Variants in FCHSD2 observed in about 807,000 individuals in gnomAD.
FCHSD2 encodes the protein F-BAR and double SH3 domains protein 2.
In FCHSD2, 38 loss-of-function variants were observed where a neutral mutation model predicts 108.1. The ratio of observed to expected loss-of-function variants is 0.35; its 90% CI spans 0.27 to 0.46. The LOEUF (loss-of-function observed/expected upper bound fraction) is 0.46, where lower values mean the gene tolerates loss of function less well. Among genes scored for constraint, FCHSD2 ranks in the 20% least tolerant of loss-of-function variants. FCHSD2 has a pLI of 1.00. For synonymous variants in FCHSD2, 279 were observed against 314.7 expected, an observed-to-expected ratio of 0.89 and a Z score of 1.20; for missense variants, 751 against 897.8, an observed-to-expected ratio of 0.84 and a Z score of 2.09.
At chr11:72,923,467 G>A (rs952091565) in intron 8 of FCHSD2, among the ~76,000 whole-genome samples, 1 of 151,734 alleles carries the variant, frequency 6.6e-6, no homozygotes, top group Non-Finnish European at 1.5e-5. Context: ...TTATTCTTTT[G>A]TATTTTGGTA....
chr11:72,917,660 C>A (rs777419433), intron 9 of FCHSD2, among the ~76,000 whole-genome samples: 1 of 152,100 alleles, frequency 6.6e-6, no homozygotes, highest in Non-Finnish European at 1.5e-5. Context: ...CCAAGGCAGG[C>A]GGATCACTTG....
chr11:72,874,147 C>A (rs1286543541), intron 12 of FCHSD2, among the ~76,000 whole-genome samples: 1 of 152,158 alleles, frequency 6.6e-6, no homozygotes, highest in African/African-American at 2.4e-5. Context: ...AAACTTCATT[C>A]TTTTGCATAT....
At chr11:73,075,375 C>A (rs1341753368) in intron 3 of FCHSD2, among the ~76,000 whole-genome samples, 1 of 152,146 alleles carries the variant, frequency 6.6e-6, no homozygotes, top group East Asian at 1.9e-4. Flanking sequence ...TGGCACCATT[C>A]ATAATGATTG....
At chr11:73,004,093 AG>A (rs1231798246) in intron 4 of FCHSD2, among the ~76,000 whole-genome samples, 2 of 131,320 alleles carry the variant, frequency 1.5e-5, no homozygotes, top group African/African-American at 5.8e-5. Flanking sequence ...TGGGCAAGAG[AG>A]TAAGACTCCA....
chr11:72,842,573 A>G, intron 17 of FCHSD2, 48 bp downstream of exon 17: 2 of 1,610,192 alleles, frequency 1.2e-6, no homozygotes, highest in Non-Finnish European at 1.7e-6. Flanking sequence ...CTTTGGGAGC[A>G]ATTTTCTTTA....
At chr11:73,028,302 G>A (rs1448578403) in intron 3 of FCHSD2, among the ~76,000 whole-genome samples, 1 of 152,220 alleles carries the variant, frequency 6.6e-6, no homozygotes, top group Non-Finnish European at 1.5e-5. Flanking sequence ...GCGTGCCCTG[G>A]ATGTGAGACA....
intron 3 of FCHSD2, 138 bp downstream of exon 3, chr11:73,083,557 G>GAAAAA: frequency 2.0e-6 from 1 of 499,212 alleles, no homozygotes; most frequent in Admixed American, 3.7e-5. Flanking sequence ...CAGAAAAAAA[G>GAAAAA]AAAAAAAAAA....
intron 9 of FCHSD2, 140 bp from the exon 10 acceptor site, chr11:72,902,778 C>T (rs768033313): frequency 7.2e-6 from 4 of 554,466 alleles, no homozygotes; most frequent in African/African-American, 3.8e-5. Flanking sequence ...AATGGTGTTA[C>T]GCATTTTATT....
chr11:73,033,546 G>A (rs770357721), intron 3 of FCHSD2, among the ~76,000 whole-genome samples: 3 of 152,158 alleles, frequency 2.0e-5, no homozygotes, highest in South Asian at 2.1e-4. Context: ...ATTATAGGGC[G>A]CTACACAAGA....
At chr11:72,845,357 G>A (rs1861095539) in intron 14 of FCHSD2, among the ~76,000 whole-genome samples, 1 of 149,056 alleles carries the variant, frequency 6.7e-6, no homozygotes, top group Admixed American at 6.8e-5. Context: ...GGAGGCAGAG[G>A]TTGCAGGGAG....
intron 3 of FCHSD2, among the ~76,000 whole-genome samples, chr11:73,072,290 G>C (rs1347265939): frequency 6.6e-6 from 1 of 151,730 alleles, no homozygotes; most frequent in East Asian, 1.9e-4. Flanking sequence ...ACACCTTTAC[G>C]AGATGTGCTA....
At chr11:73,095,009 T>C (rs1860043321) in intron 2 of FCHSD2, among the ~76,000 whole-genome samples, 1 of 152,136 alleles carries the variant, frequency 6.6e-6, no homozygotes, top group Admixed American at 6.6e-5. Context: ...CTACTAAATA[T>C]GCAATGAGAA....
intron 18 of FCHSD2, 102 bp downstream of exon 18, chr11:72,841,340 CAAAAAAAAAAAA>C (rs59748827): frequency 4.0e-5 from 15 of 373,862 alleles, no homozygotes; most frequent in Middle Eastern, 6.7e-4. Context: ...ACTCTGTCTC[CAAAAAAAAAAAA>C]AAAAAAAAAA....
At chr11:73,113,986 TAAA>T (rs1379522468) in intron 2 of FCHSD2, among the ~76,000 whole-genome samples, 1 of 152,080 alleles carries the variant, frequency 6.6e-6, no homozygotes, top group Non-Finnish European at 1.5e-5. Context: ...CAGCAGGTGA[TAAA>T]GCAAGCTGGG....
At chr11:72,882,894 T>C (rs1855118666) in intron 12 of FCHSD2, among the ~76,000 whole-genome samples, 1 of 152,146 alleles carries the variant, frequency 6.6e-6, no homozygotes, top group African/African-American at 2.4e-5. Context: ...AAGAATAGTG[T>C]TGGAGGAATT....
At chr11:73,061,665 G>A (rs1859167866) in intron 3 of FCHSD2, among the ~76,000 whole-genome samples, 1 of 152,178 alleles carries the variant, frequency 6.6e-6, no homozygotes, top group Non-Finnish European at 1.5e-5. Flanking sequence ...GAGTAGGGTG[G>A]TTTTATGCTC....
chr11:72,940,745 A>G (rs959302458), intron 8 of FCHSD2: 8 of 861,810 alleles, frequency 9.3e-6, no homozygotes, highest in Admixed American at 1.7e-5. Context: ...ACTAATGGCA[A>G]GCCTGTTCAT....
intron 2 of FCHSD2, among the ~76,000 whole-genome samples, chr11:73,088,328 A>G (rs1470655023): frequency 1.3e-5 from 2 of 152,212 alleles, no homozygotes; most frequent in African/African-American, 4.8e-5. Context: ...TATATCATAT[A>G]GCTTAGGTGT....
intron 2 of FCHSD2, among the ~76,000 whole-genome samples, chr11:73,127,126 G>A (rs1287740600): frequency 6.6e-6 from 1 of 152,130 alleles, no homozygotes; most frequent in East Asian, 1.9e-4. Context: ...AATACAATCA[G>A]GAGACATATA....
Sources: gnomAD v4.1 joint callset for allele counts (sites outside exome capture counted in the v4.1 genomes callset) on GRCh38, gnomAD v4.1.1 for gene constraint, MANE v1.5 for transcripts, NCBI Gene and HGNC (gene_info 2026-07-23, HGNC 2026-07-21) for gene names.